CADPS2: variants seen among roughly 807,000 people sequenced by gnomAD.
CADPS2 encodes calcium dependent secretion activator 2, also known as calcium-dependent secretion activator 2.
A neutral mutation model predicts 172.5 loss-of-function variants in CADPS2; 93 were observed. That is an observed-to-expected ratio of 0.54 (90% CI 0.46 to 0.64). CADPS2 has a LOEUF of 0.64. CADPS2 is among the 30% of genes least tolerant of loss of function. The probability of loss-of-function intolerance (pLI) is 0.00; values close to 1 mark genes in which losing one functional copy is unlikely to be tolerated. For synonymous variants in CADPS2, 546 were observed against 555.2 expected, an observed-to-expected ratio of 0.98 and a Z score of 0.23; for missense variants, 1,420 against 1,565.9, an observed-to-expected ratio of 0.91 and a Z score of 1.57.
chr7:122,664,264 T>C (rs1407741608), intron 2 of CADPS2, among the ~76,000 whole-genome samples: 1 of 152,072 alleles, frequency 6.6e-6, no homozygotes. Flanking sequence ...TTACTCAAAA[T>C]TGCCCAACAG....
intron 8 of CADPS2, among the ~76,000 whole-genome samples, chr7:122,544,463 C>T (rs996241669): frequency 6.6e-6 from 1 of 152,098 alleles, no homozygotes; most frequent in East Asian, 1.9e-4. Context: ...TTCTTATGAG[C>T]CTATAGTTTA....
rs560260334 is a variant in CADPS2 at position 122,866,863 on chromosome 7, C to T, written c.339+19136G>A. ...GCACACCTAAATTCCGAACATCTTACCACGGCCTAAAAAATTCATATAAGC... is the reference window on the plus strand; with the variant it reads ...GCACACCTAAATTCCGAACATCTTATCACGGCCTAAAAAATTCATATAAGC... On this transcript the variant is annotated intron_variant, in intron 1 of 29. Coordinates refer to ENST00000449022, the MANE Select transcript of CADPS2 (RefSeq NM_017954.11). 2.6e-5 allele frequency among the ~76,000 whole-genome samples: 4 copies of T among 152,284 alleles called. No homozygotes were observed. The South Asian group carries it at 8.3e-4, about 32-fold the overall frequency.
At chr7:122,584,106 G>A (rs1387106852) in intron 6 of CADPS2, among the ~76,000 whole-genome samples, 1 of 151,176 alleles carries the variant, frequency 6.6e-6, no homozygotes, top group Non-Finnish European at 1.5e-5. Context: ...TTACTTTTTT[G>A]TATTCTCCAT....
chr7:122,844,084 C>A (rs1020481447), intron 1 of CADPS2, among the ~76,000 whole-genome samples: 4 of 152,238 alleles, frequency 2.6e-5, no homozygotes, highest in African/African-American at 9.6e-5. Flanking sequence ...GCCCCAGCCA[C>A]AGTGAGTCTG....
chr7:122,730,750 A>C (rs1247202476), intron 2 of CADPS2, among the ~76,000 whole-genome samples: 1 of 151,598 alleles, frequency 6.6e-6, no homozygotes, highest in African/African-American at 2.4e-5. Flanking sequence ...CTCTTTTTAT[A>C]ATGTACTATT....
At chr7:122,834,812 C>G (rs1807813428) in intron 1 of CADPS2, among the ~76,000 whole-genome samples, 1 of 152,140 alleles carries the variant, frequency 6.6e-6, no homozygotes, top group South Asian at 2.1e-4. Context: ...TGGAGCCCAC[C>G]GCAGCTCAAG....
At position 122,351,372 on chromosome 7, in the gene CADPS2, CAAAAAAAAAAAAAAAA is replaced by C. The variant is rs398048049; in HGVS notation, c.3505-5707_3505-5692del. Among the ~76,000 whole-genome samples, 3 of 28,928 alleles carry C rather than the reference CAAAAAAAAAAAAAAAA, an allele frequency of 1.0e-4. 1 individual carries two copies. The highest frequency in any genetic ancestry group is 1.8e-3 in the East Asian group (1 of 566). 19.0% of individuals were successfully genotyped at this position (28,928 alleles called of 152,430 possible). Reference sequence around the variant, plus strand: ...TGGGTGACAGAGCGAGACTCCGTCTCAAAAAAAAAAAAAAAAAAAAAAAAAAAAAAATTCCAAACTA... The same window carrying C: ...TGGGTGACAGAGCGAGACTCCGTCTCAAAAAAAAAAAAAAATTCCAAACTA... On this transcript the variant is annotated intron_variant, in intron 27 of 29. Coordinates refer to ENST00000449022, the MANE Select transcript of CADPS2 (RefSeq NM_017954.11).
At position 122,318,601 on chromosome 7, in the gene CADPS2, A is replaced by G. The variant is rs950334356; in HGVS notation, c.*1564T>C. 1 of 152,214 alleles carries G rather than the reference A, an allele frequency of 6.6e-6. No individual in the cohort carries two copies. The highest frequency in any genetic ancestry group is 1.9e-4 in the East Asian group (1 of 5,200). The allele number at this position is 152,214 out of a possible 1,614,324, so 9.4% of individuals were successfully genotyped here. ...AGTATTTGGTGTGTGAATAGAGAAGAAAAGGAGGGAGAACATTCCCAAACT... is the reference window on the plus strand; with the variant it reads ...AGTATTTGGTGTGTGAATAGAGAAGGAAAGGAGGGAGAACATTCCCAAACT... On this transcript the variant is annotated 3_prime_UTR_variant, in exon 30 of 30. Coordinates refer to ENST00000449022, the MANE Select transcript of CADPS2 (RefSeq NM_017954.11).
intron 13 of CADPS2, 95 bp from the exon 14 acceptor site, chr7:122,471,657 T>C (rs1321515159): frequency 1.6e-5 from 15 of 939,342 alleles, no homozygotes; most frequent in Non-Finnish European, 2.3e-5. Context: ...AAGCAGAAGC[T>C]GCATGAAAGT....
At chr7:122,397,451 G>C (rs2045304798) in intron 20 of CADPS2, among the ~76,000 whole-genome samples, 1 of 132,924 alleles carries the variant, frequency 7.5e-6, no homozygotes, top group Non-Finnish European at 1.6e-5. Flanking sequence ...ATGGAGGGGA[G>C]AGGGAGAGGA....
Position 122,621,504 on chromosome 7 carries a change from C to A in CADPS2, c.1081G>T (p.Val361Leu). ...ENEIQLSKSD[V>L]VLSFTLEIVI... ...ACCTCTAAGGTGAATGACAGTACCA[C>A]GTCGGACTTTGACAGCTGAATCTCA... Residue 361 changes from valine (V) to leucine (L), a missense_variant, in exon 5 of 30, where the codon GTG (valine) becomes TTG (leucine). Physicochemically the swap from Val to Leu is conservative, Grantham distance 32. Coordinates refer to ENST00000449022, the MANE Select transcript of CADPS2 (RefSeq NM_017954.11). The A allele has an allele frequency of 6.2e-7, 1 of 1,612,888 alleles. No homozygotes were observed. The highest frequency in any genetic ancestry group is 1.7e-5 in the Admixed American group (1 of 60,004).
At chr7:122,593,228 T>C (rs2071180963) in intron 6 of CADPS2, among the ~76,000 whole-genome samples, 1 of 151,870 alleles carries the variant, frequency 6.6e-6, no homozygotes, top group Non-Finnish European at 1.5e-5. Context: ...TGGCAATATA[T>C]AAAAGATAAC....
intron 8 of CADPS2, among the ~76,000 whole-genome samples, chr7:122,515,481 G>A (rs2060290305): frequency 6.6e-6 from 1 of 152,046 alleles, no homozygotes; most frequent in Non-Finnish European, 1.5e-5. Context: ...AGATGCTGTG[G>A]ACATGACAGG....
intron 1 of CADPS2, among the ~76,000 whole-genome samples, chr7:122,767,615 C>G (rs2093593673): frequency 6.6e-6 from 1 of 152,008 alleles, no homozygotes. Context: ...GCTGGCACAC[C>G]CTTTGTGCCT....
chr7:122,692,764 C>T (rs1021608855), intron 2 of CADPS2, among the ~76,000 whole-genome samples: 5 of 152,214 alleles, frequency 3.3e-5, no homozygotes, highest in South Asian at 4.1e-4. Flanking sequence ...AAAGAACACT[C>T]GGGGCCGTAA....
chr7:122,448,479 A>G (rs1314197422), intron 15 of CADPS2, among the ~76,000 whole-genome samples: 1 of 152,194 alleles, frequency 6.6e-6, no homozygotes, highest in Non-Finnish European at 1.5e-5. Context: ...AATTATCCAA[A>G]GATGATGTGC....
intron 2 of CADPS2, chr7:122,702,407 T>A: frequency 6.2e-7 from 1 of 1,613,782 alleles, no homozygotes; most frequent in Non-Finnish European, 8.5e-7. Flanking sequence ...CACGTTGATT[T>A]TATGTGTAAA....
chr7:122,697,973 G>A, intron 2 of CADPS2: 6 of 1,613,536 alleles, frequency 3.7e-6, no homozygotes, highest in Non-Finnish European at 5.1e-6. Flanking sequence ...ACTTGCAAAG[G>A]TTCTGTTCCA....
At chr7:122,532,366 A>C (rs1195072999) in intron 8 of CADPS2, among the ~76,000 whole-genome samples, 2 of 152,194 alleles carry the variant, frequency 1.3e-5, no homozygotes, top group Non-Finnish European at 2.9e-5. Flanking sequence ...ACAATATTCC[A>C]AACATATTAA....
Sources: gnomAD v4.1 joint callset for allele counts (sites outside exome capture counted in the v4.1 genomes callset) on GRCh38, gnomAD v4.1.1 for gene constraint, MANE v1.5 for transcripts, NCBI Gene and HGNC (gene_info 2026-07-23, HGNC 2026-07-21) for gene names.